The following RBM46 variants were observed in gnomAD, a reference collection of about 807,000 sequenced individuals.
RBM46 encodes the protein probable RNA-binding protein 46.
RBM46 carries 12 observed loss-of-function variants against 43.3 expected under a neutral mutation model. The ratio of observed to expected loss-of-function variants is 0.28; its 90% CI spans 0.18 to 0.45. RBM46 has a LOEUF of 0.45. Ranked by LOEUF, RBM46 falls within the 20% of genes least tolerant of loss-of-function variation. RBM46 has a pLI of 1.00. For missense variants in RBM46, 412 were observed against 639.1 expected (o/e 0.64, Z 3.83); for synonymous variants, 205 against 207.6 (o/e 0.99, Z 0.11).
At chr4:154,791,024 A>G (rs1441677683) in intron 1 of RBM46, among the ~76,000 whole-genome samples, 1 of 152,206 alleles carries the variant, frequency 6.6e-6, no homozygotes, top group East Asian at 1.9e-4. Context: ...GGCCAACCAC[A>G]CTTTTGAAGG....
At chr4:154,820,532 A>C (rs974929399) in intron 4 of RBM46, 1 of 568,644 alleles carries the variant, frequency 1.8e-6, no homozygotes, top group African/African-American at 1.9e-5. Flanking sequence ...AACTTTATGA[A>C]GTATTTTTTA....
chr4:154,826,789 G>A, intron 4 of RBM46: 1 of 1,481,778 alleles, frequency 6.7e-7, no homozygotes, highest in Non-Finnish European at 9.0e-7. Flanking sequence ...TGTTGCTTGA[G>A]CTTACTCTCC....
chr4:154,794,489 C>T (rs904760664), intron 1 of RBM46, among the ~76,000 whole-genome samples: 7 of 152,090 alleles, frequency 4.6e-5, no homozygotes, highest in Non-Finnish European at 1.0e-4. Context: ...CCACCTTTGC[C>T]CTTCTACTGA....
chr4:154,827,990 T>C lies in RBM46; in HGVS notation c.1525T>C (p.Ser509Pro), dbSNP rs564343316. Residue 509 changes from serine (S) to proline (P), a missense_variant, in exon 5 of 5, where the codon TCA becomes CCA. Ser to Pro is a moderately conservative substitution (Grantham distance 74). Coordinates refer to ENST00000281722, the MANE Select transcript of RBM46 (RefSeq NM_144979.5). ...RPYSYPGYPL[S>P]PTISLANGSH... Reference sequence around the variant, plus strand: ...TTATTCTTATCCAGGCTATCCTTTGTCACCAACAATATCACTTGCTAATGG... The same window carrying C: ...TTATTCTTATCCAGGCTATCCTTTGCCACCAACAATATCACTTGCTAATGG... 1 of 1,614,028 alleles carries C rather than the reference T, an allele frequency of 6.2e-7. No individual in the cohort carries two copies. Among genetic ancestry groups the C allele is most frequent in the South Asian group, 1.1e-5 (1 of 91,082 alleles).
intron 4 of RBM46, among the ~76,000 whole-genome samples, chr4:154,815,933 G>A (rs1396574705): frequency 2.0e-5 from 3 of 151,834 alleles, no homozygotes; most frequent in Admixed American, 6.6e-5. Flanking sequence ...ATCAGAGTCC[G>A]CCCCGCTCAT....
intron 4 of RBM46, among the ~76,000 whole-genome samples, chr4:154,824,676 A>ACC (rs1735874664): frequency 2.6e-5 from 4 of 152,142 alleles, no homozygotes; most frequent in Non-Finnish European, 5.9e-5. Context: ...GTGAATGGAA[A>ACC]AAAAAAGCAT....
chr4:154,788,915 C>A (rs952502715), intron 1 of RBM46, among the ~76,000 whole-genome samples: 38 of 152,050 alleles, frequency 2.5e-4, no homozygotes, highest in African/African-American at 6.0e-4. Context: ...TGTAAGTTGG[C>A]TTCCTAGGTA....
rs376304954 is a variant in RBM46, at chr4:154,828,050, C to T, written c.1585C>T (p.Gln529Ter). The change falls in exon 5 of 5, where the codon CAG becomes TAG. Residue 529 changes from glutamine to a stop codon, truncating the protein, a stop_gained. Coordinates refer to ENST00000281722, the MANE Select transcript of RBM46 (RefSeq NM_144979.5). LOFTEE classifies it high-confidence loss of function. ...HVGQRLCISN[Q>*]ASFF The stretch of plus-strand genomic sequence containing the variant: ...TGGACAGCGGCTATGTATCTCCAAT[C>T]AGGCCTCCTTCTTCTGAAGAAAATA... 2 of 1,611,626 alleles carry T rather than the reference C, an allele frequency of 1.2e-6. No individual in the cohort carries two copies. The highest frequency in any genetic ancestry group is 1.3e-5 in the African/African-American group (1 of 74,860).
intron 4 of RBM46, 43 bp downstream of exon 4, chr4:154,799,607 G>T: frequency 2.4e-6 from 3 of 1,274,130 alleles, no homozygotes; most frequent in African/African-American, 1.5e-5. Context: ...TATGAAATTA[G>T]GAAATACTGT....
At chr4:154,817,368 T>G (rs1166577854) in intron 4 of RBM46, among the ~76,000 whole-genome samples, 1 of 150,408 alleles carries the variant, frequency 6.6e-6, no homozygotes, top group Non-Finnish European at 1.5e-5. Context: ...AGTCTCATAC[T>G]GTCGCCCAGG....
At chr4:154,784,683 AT>A (rs1207062560) in intron 1 of RBM46, among the ~76,000 whole-genome samples, 9 of 152,136 alleles carry the variant, frequency 5.9e-5, no homozygotes, top group Non-Finnish European at 1.3e-4. Context: ...CTGCAAAACC[AT>A]TTTTGACATT....
At chr4:154,809,881 T>A (rs1487552726) in intron 4 of RBM46, among the ~76,000 whole-genome samples, 1 of 152,076 alleles carries the variant, frequency 6.6e-6, no homozygotes, top group East Asian at 1.9e-4. Flanking sequence ...ATTGAGACAA[T>A]TGGAAATTAT....
chr4:154,788,128 C>T (rs1733878268), intron 1 of RBM46, among the ~76,000 whole-genome samples: 1 of 152,086 alleles, frequency 6.6e-6, no homozygotes, highest in Non-Finnish European at 1.5e-5. Context: ...TTCTCCCATT[C>T]TGTAGGTTGC....
chr4:154,824,550 G>C (rs977991550), intron 4 of RBM46, among the ~76,000 whole-genome samples: 2 of 151,964 alleles, frequency 1.3e-5, no homozygotes, highest in African/African-American at 4.8e-5. Context: ...CAATGTGAAC[G>C]AATCTTAGAA....
At position 154,798,039 on chromosome 4, in the gene RBM46, G is replaced by T; in HGVS notation, c.380G>T (p.Arg127Leu). Residue 127 changes from arginine (R) to leucine (L), a missense_variant, in exon 3 of 5, where the codon CGA (arginine) becomes CTA (leucine). Arg to Leu is a moderately radical substitution (Grantham distance 102). Coordinates refer to ENST00000281722, the MANE Select transcript of RBM46 (RefSeq NM_144979.5). ...AIRILNNYEIRPGKFIGVCVS... is the reference protein window; with the variant it reads ...AIRILNNYEILPGKFIGVCVS... ...AGAATTCTTAATAATTATGAAATTC[G>T]ACCAGGGAAGTTTATTGGTGTGTGT... 1 of 1,613,700 alleles carries T rather than the reference G, an allele frequency of 6.2e-7. No homozygotes were observed. The highest frequency in any genetic ancestry group is 1.1e-5 in the South Asian group (1 of 90,896).
chr4:154,827,842 A>G lies in RBM46; in HGVS notation c.1403-26A>G, dbSNP rs187552836. On this transcript the variant is annotated intron_variant, in intron 4 of 4. Transcript: ENST00000281722. ...ATTTGTGTCCATAAAGATGTACAGC[A>G]TAATTGTTCATGTATTTATTTACAG... 1.4e-3 allele frequency: 2,269 copies of G among 1,611,876 alleles called. 7 individuals carry two copies. The highest frequency in any genetic ancestry group is 1.4e-3 in the Non-Finnish European group (1,670 of 1,178,088).
intron 4 of RBM46, among the ~76,000 whole-genome samples, chr4:154,824,037 A>C (rs1423731068): frequency 6.6e-6 from 1 of 152,052 alleles, no homozygotes; most frequent in Non-Finnish European, 1.5e-5. Context: ...TAGGAAATTA[A>C]AGATAACATT....
intron 1 of RBM46, among the ~76,000 whole-genome samples, chr4:154,794,912 A>AT (rs1734276564): frequency 1.4e-5 from 2 of 142,240 alleles, no homozygotes; most frequent in East Asian, 4.1e-4. Context: ...ATCATCTGTT[A>AT]TTTTTTCCCC....
At chr4:154,786,420 A>G (rs1733769352) in intron 1 of RBM46, among the ~76,000 whole-genome samples, 1 of 152,156 alleles carries the variant, frequency 6.6e-6, no homozygotes, top group Admixed American at 6.5e-5. Context: ...TCTGATTACA[A>G]AAAATAACAT....
Sources: allele counts gnomAD v4.1 joint callset (sites outside exome capture counted in the v4.1 genomes callset), GRCh38; gene constraint gnomAD v4.1.1; transcripts MANE v1.5; gene names NCBI Gene and HGNC (gene_info 2026-07-23, HGNC 2026-07-21).